The following AGO4 variants were observed in gnomAD, a reference collection of about 807,000 sequenced individuals.
AGO4 encodes argonaute RISC component 4.
AGO4 carries 33 observed loss-of-function variants against 104.7 expected under a neutral mutation model. That is an observed-to-expected ratio of 0.32 (90% CI 0.24 to 0.42). The LOEUF (loss-of-function observed/expected upper bound fraction) is 0.42, where lower values mean the gene tolerates loss of function less well. Among genes scored for constraint, AGO4 ranks in the 10% least tolerant of loss-of-function variants. The pLI is 1.00. For synonymous variants in AGO4, 331 were observed against 364.7 expected (o/e 0.91, Z 1.05); for missense variants, 711 against 1,083.4 (o/e 0.66, Z 4.83).
intron 1 of AGO4, among the ~76,000 whole-genome samples, chr1:35,816,601 C>A (rs1156590607): frequency 1.3e-5 from 2 of 151,904 alleles, no homozygotes; most frequent in African/African-American, 4.8e-5. Flanking sequence ...GAGTTCTAGA[C>A]CAGCCTGGCC....
chr1:35,817,159 G>T, intron 2 of AGO4, 112 bp downstream of exon 2: 1 of 1,177,274 alleles, frequency 8.5e-7, no homozygotes, highest in Admixed American at 3.1e-5. Context: ...TCTCTAAGAT[G>T]ATAGGTTTCT....
rs1302707069 is a variant in AGO4, at chr1:35,855,769, A to G, written c.*2164A>G. 6.6e-6 allele frequency: 1 copy of G among 151,574 alleles called. No individual in the cohort carries two copies. Among genetic ancestry groups the G allele is most frequent in the Non-Finnish European group, 1.5e-5 (1 of 68,038 alleles). 9.4% of individuals were successfully genotyped at this position (151,574 alleles called of 1,614,324 possible). ...TCACACTTGTTCAGGGAGAGCACAG[A>G]GAATACCCTTCAGCATGGCCACTCT... is the stretch of plus-strand genomic sequence containing the variant. On this transcript the variant is annotated 3_prime_UTR_variant, in exon 18 of 18. Coordinates refer to ENST00000373210, the MANE Select transcript of AGO4 (RefSeq NM_017629.4).
chr1:35,834,041 C>T lies in AGO4; in HGVS notation c.1431C>T (p.Ile477=). 6.2e-7 allele frequency: 1 copy of T among 1,609,030 alleles called. No individual in the cohort carries two copies. ...TCTCTAAGGATGCAGGAATGCCCAT[C>T]CAGGGTCAGCCATGTTTCTGCAAGT... ...RKISKDAGMP[I]QGQPCFCKYA... is the part of the protein sequence containing the mutation. The change falls in exon 12 of 18, where the codon ATC becomes ATT. Residue 477 remains isoleucine (I), a synonymous_variant. Coordinates refer to ENST00000373210, the MANE Select transcript of AGO4 (RefSeq NM_017629.4).
At chr1:35,850,827 A>AT in intron 16 of AGO4, 27 bp from the exon 17 acceptor site, 1 of 1,544,774 alleles carries the variant, frequency 6.5e-7, no homozygotes, top group Non-Finnish European at 8.7e-7. Flanking sequence ...CAAAAAAAAA[A>AT]CATTAATCAT....
chr1:35,857,854 G>A lies in AGO4; in HGVS notation c.*4249G>A, dbSNP rs1644846770. 1 of 152,092 alleles carries A rather than the reference G, an allele frequency of 6.6e-6. No individual in the cohort carries two copies. Among genetic ancestry groups the A allele is most frequent in the African/African-American group, 2.4e-5 (1 of 41,420 alleles). 9.4% of individuals were successfully genotyped at this position (152,092 alleles called of 1,614,324 possible). On this transcript the variant is annotated 3_prime_UTR_variant, in exon 18 of 18. Coordinates refer to ENST00000373210, the MANE Select transcript of AGO4 (RefSeq NM_017629.4). ...GCTATTTGGTATACAATTATTATGT[G>A]TCAATTAAAACTAAAATAAAACTTT...
chr1:35,828,207 G>C (rs1300429831), intron 7 of AGO4, among the ~76,000 whole-genome samples: 1 of 151,918 alleles, frequency 6.6e-6, no homozygotes, highest in East Asian at 1.9e-4. Context: ...TATATATATA[G>C]TGCTTGGCAC....
Position 35,854,178 on chromosome 1 carries a change from T to C in AGO4, c.*573T>C, listed in dbSNP as rs1644769747. The C allele has an allele frequency of 6.6e-6, 1 of 152,620 alleles. No homozygotes were observed. Among genetic ancestry groups the C allele is most frequent in the Non-Finnish European group, 1.5e-5 (1 of 68,102 alleles). 9.5% of individuals were successfully genotyped at this position (152,620 alleles called of 1,614,324 possible). A position where few individuals can be genotyped will look rare whatever the true frequency, so the allele number is the denominator to read the frequency against. On this transcript the variant is annotated 3_prime_UTR_variant, in exon 18 of 18. Transcript: ENST00000373210. ...TTATTAGTTTTACTACTTTATCTTA[T>C]TGATCTCTGCAGACTTGTGCTGGTG...
chr1:35,816,651 T>C (rs752942840), intron 1 of AGO4, among the ~76,000 whole-genome samples: 2 of 151,746 alleles, frequency 1.3e-5, no homozygotes, highest in Non-Finnish European at 2.9e-5. Flanking sequence ...ATACAAAAAT[T>C]AGCCAGGCCT....
At chr1:35,825,609 C>T (rs1323093095) in intron 4 of AGO4, 70 bp from the exon 5 acceptor site, 5 of 1,531,828 alleles carry the variant, frequency 3.3e-6, no homozygotes, top group East Asian at 2.3e-5. Context: ...TTTCAGCTCC[C>T]AGAGTTGAGA....
chr1:35,855,373 T>G lies in AGO4; in HGVS notation c.*1768T>G, dbSNP rs1644794951. Reference sequence around the variant, plus strand: ...ATCTCATAAACTAGCCTTCTCAAAATCCCAGCAATATAAAGCACTGTTTTT... The same window carrying G: ...ATCTCATAAACTAGCCTTCTCAAAAGCCCAGCAATATAAAGCACTGTTTTT... On this transcript the variant is annotated 3_prime_UTR_variant, in exon 18 of 18. Transcript: ENST00000373210. The G allele has an allele frequency of 6.6e-6, 1 of 152,640 alleles. No individual in the cohort carries two copies. 9.5% of individuals were successfully genotyped at this position (152,640 alleles called of 1,614,324 possible). A position where few individuals can be genotyped will look rare whatever the true frequency, so the allele number is the denominator to read the frequency against.
chr1:35,841,094 A>T lies in AGO4; in HGVS notation c.1725-71A>T. ...AGGTTATATCTGATTATATCTGGTG[A>T]TATAATCTTGCTAAACTCAAACATT... On this transcript the variant is annotated intron_variant, in intron 13 of 17. Transcript: ENST00000373210. The surrounding 1 kb of genome is among the most constrained non-coding windows in gnomAD (Gnocchi z 4.7). 3.4e-6 allele frequency: 5 copies of T among 1,488,482 alleles called. 1 individual carries two copies. In the South Asian group the frequency reaches 6.2e-5, roughly 18 times the overall value. 92.2% of individuals were successfully genotyped at this position (1,488,482 alleles called of 1,614,324 possible). A position where few individuals can be genotyped will look rare whatever the true frequency, so the allele number is the denominator to read the frequency against.
chr1:35,836,680 AT>A (rs1411878152), intron 13 of AGO4, among the ~76,000 whole-genome samples: 3 of 152,174 alleles, frequency 2.0e-5, no homozygotes, highest in African/African-American at 7.2e-5. Context: ...AAGTGCTGGG[AT>A]TACAGGCGTG....
chr1:35,822,874 T>C lies in AGO4; in HGVS notation c.198T>C (p.Asp66=). 6.2e-7 allele frequency: 1 copy of C among 1,614,052 alleles called. No homozygotes were observed. The highest frequency in any genetic ancestry group is 8.5e-7 in the Non-Finnish European group (1 of 1,179,962). The change falls in exon 3 of 18, where the codon GAT becomes GAC. Residue 66 remains aspartate (D), a synonymous_variant. Coordinates refer to ENST00000373210, the MANE Select transcript of AGO4 (RefSeq NM_017629.4). ...RPRRVNREVV[D]TMVRHFKMQI... is the part of the protein sequence containing the mutation. ...CATTACTGTGAAGGGAGGTAGTAGA[T>C]ACAATGGTGCGGCACTTCAAGATGC...
At chr1:35,823,337 C>T (rs180779034) in intron 3 of AGO4, among the ~76,000 whole-genome samples, 1 of 151,782 alleles carries the variant, frequency 6.6e-6, no homozygotes, top group East Asian at 1.9e-4. Context: ...ACTGAAACCT[C>T]TGCCTCCCAG....
rs1644846617 is a variant in AGO4, at chr1:35,857,851, T to G, written c.*4246T>G. 6.6e-6 allele frequency: 1 copy of G among 152,214 alleles called. No homozygotes were observed. The highest frequency in any genetic ancestry group is 6.5e-5 in the Admixed American group (1 of 15,272). The allele number at this position is 152,214 out of a possible 1,614,324, so 9.4% of individuals were successfully genotyped here. ...ATTGCTATTTGGTATACAATTATTA[T>G]GTGTCAATTAAAACTAAAATAAAAC... is the stretch of plus-strand genomic sequence containing the variant. On this transcript the variant is annotated 3_prime_UTR_variant, in exon 18 of 18. Transcript: ENST00000373210.
chr1:35,824,077 A>G (rs898539491), intron 3 of AGO4, among the ~76,000 whole-genome samples: 5 of 152,240 alleles, frequency 3.3e-5, no homozygotes, highest in Admixed American at 3.3e-4. Context: ...TAAATTATAG[A>G]AAACTATATA....
intron 4 of AGO4, 89 bp downstream of exon 4, chr1:35,825,583 C>A (rs1036445909): frequency 6.5e-7 from 1 of 1,541,196 alleles, no homozygotes; most frequent in South Asian, 1.3e-5. Context: ...CTGCATAAGT[C>A]ATTGTTCAAA....
intron 11 of AGO4, among the ~76,000 whole-genome samples, chr1:35,832,810 T>C (rs1644216726): frequency 6.6e-6 from 1 of 152,196 alleles, no homozygotes; most frequent in African/African-American, 2.4e-5. Context: ...GGAGACAATG[T>C]TGGTTGGCAA....
intron 3 of AGO4, among the ~76,000 whole-genome samples, chr1:35,824,546 C>T (rs1643964724): frequency 6.6e-6 from 1 of 151,566 alleles, no homozygotes; most frequent in Admixed American, 6.6e-5. Flanking sequence ...AGCCAAAAAT[C>T]CCAGTGCTGT....
Sources: allele counts gnomAD v4.1 joint callset (sites outside exome capture counted in the v4.1 genomes callset), GRCh38; gene constraint gnomAD v4.1.1; non-coding constraint Gnocchi (gnomAD v3.1); transcripts MANE v1.5; gene names NCBI Gene and HGNC (gene_info 2026-07-23, HGNC 2026-07-21).